The following ABCA4 variants were observed in gnomAD, a reference collection of about 807,000 sequenced individuals.
ABCA4 encodes retinal-specific phospholipid-transporting ATPase ABCA4.
In ABCA4, 196 loss-of-function variants were observed where a neutral mutation model predicts 263.7. That is an observed-to-expected ratio of 0.74 (90% CI 0.66 to 0.84). ABCA4 has a LOEUF of 0.84. Among genes scored for constraint, ABCA4 ranks in the 40% least tolerant of loss-of-function variants. The probability of loss-of-function intolerance (pLI) is 0.00; values close to 1 mark genes in which losing one functional copy is unlikely to be tolerated. For synonymous variants in ABCA4, 1,133 were observed against 1,094.2 expected (o/e 1.04, Z -0.70); for missense variants, 2,792 against 2,855.1 (o/e 0.98, Z 0.50).
At chr1:94,084,518 G>A (rs1661782861) in intron 6 of ABCA4, among the ~76,000 whole-genome samples, 1 of 152,182 alleles carries the variant, frequency 6.6e-6, no homozygotes, top group Admixed American at 6.6e-5. Context: ...TCTCCTCTTG[G>A]CTGTAGATGC....
intron 17 of ABCA4, among the ~76,000 whole-genome samples, chr1:94,050,547 G>C (rs919351377): frequency 6.6e-6 from 1 of 152,164 alleles, no homozygotes; most frequent in Non-Finnish European, 1.5e-5. Context: ...TTTTGAAGGA[G>C]CATATTTTCC....
At chr1:94,036,575 C>T (rs898328276) in intron 26 of ABCA4, among the ~76,000 whole-genome samples, 165 bp downstream of exon 26, 1 of 152,014 alleles carries the variant, frequency 6.6e-6, no homozygotes, top group East Asian at 1.9e-4. Flanking sequence ...TGGGGTTTCA[C>T]CATGTTGGCC....
chr1:93,998,998 G>A (rs1348542485), intron 47 of ABCA4, among the ~76,000 whole-genome samples: 4 of 149,582 alleles, frequency 2.7e-5, no homozygotes, highest in Non-Finnish European at 3.0e-5. Flanking sequence ...TGATCCGCCC[G>A]CCTTGGCCTC....
rs1311240446 is a variant in ABCA4 at position 94,019,566 on chromosome 1, G to A, written c.5196+16C>T. Reference sequence around the variant, plus strand: ...GGCCCACGGAGGGGAGGGAGGCGCTGTAAACTGACACTTACGATGTCCCAG... The same window carrying A: ...GGCCCACGGAGGGGAGGGAGGCGCTATAAACTGACACTTACGATGTCCCAG... On this transcript the variant is annotated intron_variant, in intron 36 of 49. Coordinates refer to ENST00000370225, the MANE Select transcript of ABCA4 (RefSeq NM_000350.3). 3 of 1,591,918 alleles carry A rather than the reference G, an allele frequency of 1.9e-6. No homozygotes were observed. Among genetic ancestry groups the A allele is most frequent in the Non-Finnish European group, 1.7e-6 (2 of 1,168,468 alleles).
rs200554459 is a variant in ABCA4, at chr1:94,008,887, G to A, written c.5715-16C>T. 3.7e-6 allele frequency: 6 copies of A among 1,611,050 alleles called. No homozygotes were observed. The highest frequency in any genetic ancestry group is 5.1e-6 in the Non-Finnish European group (6 of 1,179,856). ...CTCGGCAATCCTAGATGAAGAAAAG[G>A]GGTCAGGATTGGGCTGGCTGTACAG... On this transcript the variant is annotated splice_polypyrimidine_tract_variant and intron_variant, in intron 40 of 49. Coordinates refer to ENST00000370225, the MANE Select transcript of ABCA4 (RefSeq NM_000350.3).
At chr1:94,080,337 T>A (rs1156840577) in intron 8 of ABCA4, 141 bp downstream of exon 8, 3 of 1,187,862 alleles carry the variant, frequency 2.5e-6, no homozygotes, top group Non-Finnish European at 3.7e-6. Flanking sequence ...AAGTGGACTT[T>A]CTGGGAGAAG....
At chr1:94,111,227 C>T (rs759980319) in intron 3 of ABCA4, among the ~76,000 whole-genome samples, 2 of 152,242 alleles carry the variant, frequency 1.3e-5, no homozygotes, top group Non-Finnish European at 2.9e-5. Context: ...ATTTTGTGCA[C>T]GTGGCCTTAG....
At position 94,029,620 on chromosome 1, in the gene ABCA4, CA is replaced by C. The variant is rs2101033821; in HGVS notation, c.4363del (p.Cys1455ValfsTer71). On this transcript the variant is annotated frameshift_variant, in exon 30 of 50. Transcript: ENST00000370225. LOFTEE classifies it high-confidence loss of function. ...AGTCTTCCAGGGTGTTGAGTTGCCA[CA>C]GGGGTACTCCCTCATGGAAGACAAG... ...LKEGWLPEYPCGNSTPWKTPS... is the reference protein window; with the variant it reads ...LKEGWLPEYPXGNSTPWKTPS... The C allele has an allele frequency of 6.2e-7, 1 of 1,613,616 alleles. No individual in the cohort carries two copies. Among genetic ancestry groups the C allele is most frequent in the Non-Finnish European group, 8.5e-7 (1 of 1,179,780 alleles).
intron 14 of ABCA4, chr1:94,059,474 A>G (rs568321276): frequency 2.1e-4 from 32 of 152,350 alleles, no homozygotes; most frequent in African/African-American, 7.2e-4. Context: ...AAACCTTCAG[A>G]TTTAGTACAT....
chr1:94,056,539 G>T, intron 15 of ABCA4, 62 bp downstream of exon 15: 3 of 1,545,628 alleles, frequency 1.9e-6, no homozygotes, highest in East Asian at 2.3e-5. Context: ...GGGCCTCCAG[G>T]ACTGCTACGG....
rs1659899739 is a variant in ABCA4 at position 94,021,626 on chromosome 1, C to T, written c.4848+14G>A. The T allele has an allele frequency of 1.9e-6, 3 of 1,605,644 alleles. No individual in the cohort carries two copies. Among genetic ancestry groups the T allele is most frequent in the Middle Eastern group, 1.8e-4 (1 of 5,490 alleles). On this transcript the variant is annotated intron_variant, in intron 34 of 49. Coordinates refer to ENST00000370225, the MANE Select transcript of ABCA4 (RefSeq NM_000350.3). ...ATTTTTAGCTCCAGAGCAGATTATACATAGGTCAAGTACCTTAATGTTGTC... is the reference window on the plus strand; with the variant it reads ...ATTTTTAGCTCCAGAGCAGATTATATATAGGTCAAGTACCTTAATGTTGTC...
chr1:94,030,649 G>A, intron 28 of ABCA4, 123 bp from the exon 29 acceptor site: 1 of 972,916 alleles, frequency 1.0e-6, no homozygotes, highest in Non-Finnish European at 1.6e-6. Flanking sequence ...ATGCTGCCTT[G>A]GGATGGCGCT....
At chr1:94,019,438 G>A (rs1659831462) in intron 36 of ABCA4, 144 bp downstream of exon 36, 1 of 887,554 alleles carries the variant, frequency 1.1e-6, no homozygotes, top group Non-Finnish European at 1.7e-6. Flanking sequence ...AGGGACAGCA[G>A]ATACACAAGG....
Position 94,060,543 on chromosome 1 carries a change from G to T in ABCA4, c.2154C>A (p.Phe718Leu), listed in dbSNP as rs1661093123. Reference protein sequence around the residue: ...MSMSIFLLTIFIMHGRILHYS... With the variant: ...MSMSIFLLTILIMHGRILHYS... ...CCTTCTCCATTTGGCTTACCATGAT[G>T]AATATCGTCAGGAGGAAGATGCTCA... Residue 718 changes from phenylalanine (F) to leucine (L), a missense_variant, in exon 14 of 50, where the codon TTC becomes TTA. Physicochemically the swap from Phe to Leu is conservative, Grantham distance 22. Transcript: ENST00000370225. 5.0e-6 allele frequency: 8 copies of T among 1,613,748 alleles called. No individual in the cohort carries two copies. Among genetic ancestry groups the T allele is most frequent in the Non-Finnish European group, 6.8e-6 (8 of 1,179,960 alleles).
chr1:94,043,194 G>T, intron 21 of ABCA4, 142 bp downstream of exon 21: 1 of 1,224,870 alleles, frequency 8.2e-7, no homozygotes, highest in Non-Finnish European at 1.1e-6. Flanking sequence ...TCTGGGGGCT[G>T]CTCTTAGATT....
At chr1:94,099,078 T>A (rs998668386) in intron 5 of ABCA4, 87 bp from the exon 6 acceptor site, 1 of 1,380,190 alleles carries the variant, frequency 7.2e-7, no homozygotes, top group Non-Finnish European at 1.0e-6. Flanking sequence ...GAATACCTTG[T>A]GTTACATGGC....
At chr1:94,025,742 T>A (rs968502407) in intron 30 of ABCA4, 44 of 155,836 alleles carry the variant, frequency 2.8e-4, no homozygotes, top group Non-Finnish European at 4.7e-4. Flanking sequence ...TGTACTGTTG[T>A]GTTATCTTCA....
intron 20 of ABCA4, 77 bp downstream of exon 20, chr1:94,044,536 G>C (rs992269280): frequency 6.2e-6 from 10 of 1,610,510 alleles, no homozygotes; most frequent in Non-Finnish European, 7.6e-6. Flanking sequence ...GCACCCCTGA[G>C]CTGGGCTCTA....
intron 7 of ABCA4, among the ~76,000 whole-genome samples, chr1:94,081,424 A>G (rs1434450645): frequency 6.6e-6 from 1 of 152,188 alleles, no homozygotes; most frequent in Non-Finnish European, 1.5e-5. Context: ...AAAGAGGGAA[A>G]TAAAATGATT....
Sources: allele counts gnomAD v4.1 joint callset (sites outside exome capture counted in the v4.1 genomes callset), GRCh38; gene constraint gnomAD v4.1.1; transcripts MANE v1.5; gene names NCBI Gene and HGNC (gene_info 2026-07-23, HGNC 2026-07-21).